Variants in TRAM2 observed in about 807,000 individuals in gnomAD.
TRAM2 encodes the protein translocation associated membrane protein 2.
TRAM2 carries 12 observed loss-of-function variants against 51.0 expected under a neutral mutation model. The observed-to-expected ratio is 0.24, with a 90% CI of 0.15 to 0.38. The LOEUF (loss-of-function observed/expected upper bound fraction) is 0.38. TRAM2 is among the 10% of genes least tolerant of loss of function. The pLI is 1.00. For missense variants in TRAM2, 361 were observed against 462.0 expected (o/e 0.78, Z 2.00); for synonymous variants, 175 against 179.4 (o/e 0.98, Z 0.20).
At chr6:52,548,201 C>G (rs987032911) in intron 1 of TRAM2, among the ~76,000 whole-genome samples, 7 of 152,356 alleles carry the variant, frequency 4.6e-5, no homozygotes, top group African/African-American at 1.7e-4. Flanking sequence ...CCGCTTCCTT[C>G]TCTCAAAGGC....
intron 6 of TRAM2, 110 bp from the exon 7 acceptor site, chr6:52,507,733 T>C: frequency 1.0e-6 from 1 of 995,100 alleles, no homozygotes; most frequent in Non-Finnish European, 1.5e-6. Flanking sequence ...CTGGGCTGCT[T>C]TAACACACAG....
chr6:52,568,045 G>A (rs1334789061), intron 1 of TRAM2, among the ~76,000 whole-genome samples: 6 of 152,178 alleles, frequency 3.9e-5, no homozygotes, highest in African/African-American at 1.4e-4. Context: ...CAACCAGGCC[G>A]CCGGACATTT....
At chr6:52,507,440 G>T in intron 7 of TRAM2, 113 bp downstream of exon 7, 2 of 1,060,296 alleles carry the variant, frequency 1.9e-6, no homozygotes, top group Non-Finnish European at 1.4e-6. Context: ...TCTTAGCATA[G>T]TGCTAGGCAC....
chr6:52,559,316 T>C (rs1156551422), intron 1 of TRAM2, among the ~76,000 whole-genome samples: 1 of 152,210 alleles, frequency 6.6e-6, no homozygotes, highest in Non-Finnish European at 1.5e-5. Context: ...CTCACCAATT[T>C]ACTAGCTGTA....
At chr6:52,559,409 C>G (rs554886527) in intron 1 of TRAM2, among the ~76,000 whole-genome samples, 11 of 152,314 alleles carry the variant, frequency 7.2e-5, no homozygotes, top group African/African-American at 2.6e-4. Context: ...GCTGTGAAGT[C>G]AGACACACGG....
At chr6:52,511,121 G>C (rs1397472297) in intron 4 of TRAM2, among the ~76,000 whole-genome samples, 1 of 152,114 alleles carries the variant, frequency 6.6e-6, no homozygotes, top group African/African-American at 2.4e-5. Context: ...TTGTTTTTTT[G>C]ATATGGAGTT....
chr6:52,516,723 G>A lies in TRAM2; in HGVS notation c.199C>T (p.His67Tyr), dbSNP rs950895673. 7.4e-6 allele frequency: 12 copies of A among 1,613,544 alleles called. No individual in the cohort carries two copies. Among genetic ancestry groups the A allele is most frequent in the Admixed American group, 6.7e-5 (4 of 60,008 alleles). The change falls in exon 3 of 11, where the codon CAC becomes TAC. Residue 67 changes from histidine (H) to tyrosine (Y), a missense_variant. His to Tyr is a moderately conservative substitution (Grantham distance 83). Transcript: ENST00000182527. ...SVPTADSETV[H>Y]YHYGPKDLVT... ...AGGTCCTTAGGGCCATAGTGGTAGT[G>A]CACGGTCTCACTGTCTGTGGAGGTA... is the stretch of plus-strand genomic sequence containing the variant.
At chr6:52,558,768 A>G (rs933496674) in intron 1 of TRAM2, among the ~76,000 whole-genome samples, 6 of 152,188 alleles carry the variant, frequency 3.9e-5, no homozygotes, top group African/African-American at 1.4e-4. Context: ...AAAGTCACAG[A>G]GCAATGGCAA....
At chr6:52,564,445 C>G (rs1338565223) in intron 1 of TRAM2, among the ~76,000 whole-genome samples, 1 of 152,192 alleles carries the variant, frequency 6.6e-6, no homozygotes, top group East Asian at 1.9e-4. Context: ...TCTGGCAATA[C>G]AGAGACACTT....
intron 9 of TRAM2, 55 bp downstream of exon 9, chr6:52,505,544 G>A: frequency 6.5e-7 from 1 of 1,543,214 alleles, no homozygotes; most frequent in Non-Finnish European, 8.8e-7. Context: ...TGCAAGGGCT[G>A]TGCCAAGTTC....
rs1766182309 is a variant in TRAM2, at chr6:52,500,217, A to T, written c.*2980T>A. The T allele has an allele frequency of 6.6e-6, 1 of 152,248 alleles. No homozygotes were observed. Among genetic ancestry groups the T allele is most frequent in the Non-Finnish European group, 1.5e-5 (1 of 68,078 alleles). The allele number at this position is 152,248 out of a possible 1,614,324, so 9.4% of individuals were successfully genotyped here. On this transcript the variant is annotated 3_prime_UTR_variant, in exon 11 of 11. Transcript: ENST00000182527. The stretch of plus-strand genomic sequence containing the variant: ...TGGAGGTGTCTGGCAGAGCCTTCAC[A>T]AATGGCTTGGCACTTTGGGGCAGGA...
Position 52,576,884 on chromosome 6 carries a change from G to T in TRAM2, c.32C>A (p.Pro11Gln). 1.2e-6 allele frequency: 2 copies of T among 1,613,528 alleles called. No individual in the cohort carries two copies. Among genetic ancestry groups the T allele is most frequent in the Non-Finnish European group, 1.7e-6 (2 of 1,179,758 alleles). The change falls in exon 1 of 11, where the codon CCG becomes CAG. Residue 11 changes from proline to glutamine, a missense_variant. Pro to Gln is a moderately conservative substitution (Grantham distance 76). Coordinates refer to ENST00000182527, the MANE Select transcript of TRAM2 (RefSeq NM_012288.4). MAFRRRTKSYPLFSQEFVIHN... is the reference protein window; with the variant it reads MAFRRRTKSYQLFSQEFVIHN... ...GATGACGAACTCCTGGCTGAAGAGC[G>T]GGTAACTTTTCGTCCTCCTGCGGAA...
chr6:52,504,958 T>C (rs1388583536), intron 9 of TRAM2, among the ~76,000 whole-genome samples: 1 of 152,190 alleles, frequency 6.6e-6, no homozygotes, highest in East Asian at 1.9e-4. Context: ...ATACATCACA[T>C]GTGCCAGGGA....
rs556682238 is a variant in TRAM2 at position 52,507,451 on chromosome 6, A to C, written c.626+102T>G. 8.3e-6 allele frequency: 10 copies of C among 1,206,938 alleles called. No homozygotes were observed. The East Asian group carries it at 2.1e-4, about 26-fold the overall frequency. 74.8% of individuals were successfully genotyped at this position (1,206,938 alleles called of 1,614,324 possible). A position where few individuals can be genotyped will look rare whatever the true frequency, so the allele number is the denominator to read the frequency against. ...CAAGTCTTAGCATAGTGCTAGGCAC[A>C]CAGAGGATGTCAACAAATGCCTGAT... On this transcript the variant is annotated intron_variant, in intron 7 of 10. Transcript: ENST00000182527.
chr6:52,507,776 C>T (rs1351097463), intron 6 of TRAM2, among the ~76,000 whole-genome samples, 153 bp from the exon 7 acceptor site: 1 of 152,198 alleles, frequency 6.6e-6, no homozygotes, highest in Non-Finnish European at 1.5e-5. Context: ...AGTCCCACTG[C>T]ACCAGGCTGC....
intron 2 of TRAM2, among the ~76,000 whole-genome samples, chr6:52,526,371 G>C (rs1344157474): frequency 1.3e-5 from 2 of 152,172 alleles, no homozygotes; most frequent in Non-Finnish European, 2.9e-5. Flanking sequence ...AAGGGCTGAA[G>C]AGAAGTTGAT....
At chr6:52,576,742 C>G (rs1350399248) in intron 1 of TRAM2, 54 bp downstream of exon 1, 19 of 1,588,314 alleles carry the variant, frequency 1.2e-5, no homozygotes, top group Non-Finnish European at 1.6e-5. Context: ...GTGTGCCGGG[C>G]GGTGCACGAC....
intron 2 of TRAM2, chr6:52,524,277 T>C (rs994078469): frequency 2.6e-5 from 4 of 152,114 alleles, no homozygotes; most frequent in Non-Finnish European, 5.9e-5. Flanking sequence ...GATACATTAT[T>C]TGGTGGAGAA....
intron 2 of TRAM2, among the ~76,000 whole-genome samples, chr6:52,520,476 T>C (rs1411407423): frequency 6.6e-6 from 1 of 152,106 alleles, no homozygotes; most frequent in African/African-American, 2.4e-5. Context: ...TCGGATAGAG[T>C]CAGTGACGGA....
Sources: gnomAD v4.1 joint callset for allele counts (sites outside exome capture counted in the v4.1 genomes callset) on GRCh38, gnomAD v4.1.1 for gene constraint, MANE v1.5 for transcripts, NCBI Gene and HGNC (gene_info 2026-07-23, HGNC 2026-07-21) for gene names.